PHACTR1: variants seen among roughly 807,000 people sequenced by gnomAD.
The protein encoded by PHACTR1 is phosphatase and actin regulator 1, also known as RPEL repeat containing 1.
A neutral mutation model predicts 69.2 loss-of-function variants in PHACTR1; 16 were observed. That is an observed-to-expected ratio of 0.23 (90% CI 0.16 to 0.35). PHACTR1 has a LOEUF of 0.35. Among genes scored for constraint, PHACTR1 ranks in the 10% least tolerant of loss-of-function variants. The pLI is 1.00. For synonymous variants in PHACTR1, 312 were observed against 284.5 expected, an observed-to-expected ratio of 1.10 and a Z score of -0.97; for missense variants, 510 against 734.7, an observed-to-expected ratio of 0.69 and a Z score of 3.54.
chr6:13,120,787 T>C (rs2127943222), intron 5 of PHACTR1, among the ~76,000 whole-genome samples: 1 of 152,346 alleles, frequency 6.6e-6, no homozygotes, highest in South Asian at 2.1e-4. Context: ...AAGGACTCCA[T>C]GCAGTCCTCA....
intron 13 of PHACTR1, among the ~76,000 whole-genome samples, chr6:13,285,308 G>A (rs1459728704): frequency 6.6e-6 from 1 of 152,122 alleles, no homozygotes; most frequent in African/African-American, 2.4e-5. Flanking sequence ...TTCTTTTCCT[G>A]GGGAGGGCCA....
intron 5 of PHACTR1, among the ~76,000 whole-genome samples, chr6:13,128,604 AT>A (rs1366443618): frequency 6.6e-6 from 1 of 151,932 alleles, no homozygotes; most frequent in Non-Finnish European, 1.5e-5. Flanking sequence ...GACAAAGACA[AT>A]GAAAAAAAAT....
chr6:12,850,687 A>G (rs1198938309), intron 4 of PHACTR1, among the ~76,000 whole-genome samples: 1 of 152,174 alleles, frequency 6.6e-6, no homozygotes, highest in Non-Finnish European at 1.5e-5. Context: ...GCTCTAGGGG[A>G]GGAGCCTCCC....
intron 4 of PHACTR1, among the ~76,000 whole-genome samples, chr6:12,856,164 C>T (rs961486793): frequency 4.6e-5 from 7 of 152,072 alleles, no homozygotes; most frequent in Non-Finnish European, 1.0e-4. Flanking sequence ...ATTGTTTGGT[C>T]CATTCAACTC....
chr6:12,818,081 C>A (rs980269611), intron 4 of PHACTR1, among the ~76,000 whole-genome samples: 4 of 152,160 alleles, frequency 2.6e-5, no homozygotes, highest in Non-Finnish European at 2.9e-5. Flanking sequence ...CCTTGGCCTC[C>A]CAAAGTGCTG....
chr6:12,718,281 C>T (rs907050289), intron 2 of PHACTR1: 13 of 152,202 alleles, frequency 8.5e-5, no homozygotes, highest in African/African-American at 3.1e-4. Context: ...GGCAATTTTC[C>T]CTGCTCCAGG....
intron 2 of PHACTR1, 142 bp downstream of exon 2, chr6:12,717,885 G>A (rs1157364819): frequency 6.6e-6 from 1 of 152,078 alleles, no homozygotes; most frequent in Non-Finnish European, 1.5e-5. Flanking sequence ...TAATGACTTT[G>A]TCTTGTTAAT....
chr6:13,058,652 A>AG (rs1210386010), intron 5 of PHACTR1, among the ~76,000 whole-genome samples: 1 of 152,134 alleles, frequency 6.6e-6, no homozygotes, highest in Non-Finnish European at 1.5e-5. Flanking sequence ...GGAGAAGGAG[A>AG]GGGGGGACTT....
At chr6:13,216,739 A>C (rs1343511692) in intron 8 of PHACTR1, among the ~76,000 whole-genome samples, 1 of 152,154 alleles carries the variant, frequency 6.6e-6, no homozygotes, top group Non-Finnish European at 1.5e-5. Flanking sequence ...TGTTTTTCAG[A>C]TTTAACTGCT....
At chr6:12,902,012 T>C (rs995352036) in intron 4 of PHACTR1, among the ~76,000 whole-genome samples, 4 of 152,144 alleles carry the variant, frequency 2.6e-5, no homozygotes, top group African/African-American at 9.7e-5. Flanking sequence ...GGCTGGAGAA[T>C]GCTACTGGCA....
intron 13 of PHACTR1, among the ~76,000 whole-genome samples, chr6:13,284,578 G>GTA (rs10611107): frequency 0.053 from 5,182 of 97,674 alleles, 199 homozygotes; most frequent in African/African-American, 0.11. Flanking sequence ...ATAGATACAC[G>GTA]TATATATATA....
intron 5 of PHACTR1, among the ~76,000 whole-genome samples, chr6:13,105,047 G>A (rs150963189): frequency 1.3e-4 from 20 of 152,296 alleles, no homozygotes; most frequent in Middle Eastern, 3.4e-3. Context: ...TGGTCTGATA[G>A]GTAAATGTGG....
chr6:12,845,438 C>G (rs1016317984), intron 4 of PHACTR1, among the ~76,000 whole-genome samples: 1 of 69,580 alleles, frequency 1.4e-5, no homozygotes, highest in African/African-American at 4.8e-5. Flanking sequence ...CACCCCCCCC[C>G]CCCCCGCCCT....
chr6:12,919,614 G>T (rs1787415786), intron 4 of PHACTR1, among the ~76,000 whole-genome samples: 1 of 152,188 alleles, frequency 6.6e-6, no homozygotes, highest in African/African-American at 2.4e-5. Flanking sequence ...CATGCAAAAG[G>T]TTCTGGAGAG....
chr6:13,003,954 T>TATATATATATATAC (rs1554190245), intron 4 of PHACTR1, among the ~76,000 whole-genome samples: 2 of 103,782 alleles, frequency 1.9e-5, no homozygotes, highest in African/African-American at 1.2e-4. Flanking sequence ...AGTATTCCTA[T>TATATATATATATAC]ATATATATAT....
rs570008261 is a variant in PHACTR1 at position 12,748,119 on chromosome 6, A to C, written c.104-1525A>C. ...TGAAAGGACGAGATTGGAGTGTAAA[A>C]ACAGAGACTGATGGCCAGGAGTTCC... On this transcript the variant is annotated intron_variant, in intron 3 of 14. Transcript: ENST00000332995. Among the ~76,000 whole-genome samples, 3 of 152,342 alleles carry C rather than the reference A, an allele frequency of 2.0e-5. No individual in the cohort carries two copies. The East Asian group carries it at 5.8e-4, about 29-fold the overall frequency.
At chr6:12,852,662 A>G (rs916150063) in intron 4 of PHACTR1, among the ~76,000 whole-genome samples, 3 of 152,318 alleles carry the variant, frequency 2.0e-5, no homozygotes, top group East Asian at 1.9e-4. Context: ...AAAGCCTTCC[A>G]ATATCCTGGA....
chr6:13,217,146 G>A (rs1767797193), intron 8 of PHACTR1, among the ~76,000 whole-genome samples: 1 of 152,172 alleles, frequency 6.6e-6, no homozygotes. Flanking sequence ...ATGATAAATT[G>A]TTGGTGTTGA....
chr6:12,955,860 G>A (rs9918386), intron 4 of PHACTR1, among the ~76,000 whole-genome samples: 15 of 152,070 alleles, frequency 9.9e-5, no homozygotes, highest in African/African-American at 7.3e-5. Context: ...TCTAACTCCC[G>A]CCTATGACAC....
Sources: gnomAD v4.1 joint callset for allele counts (sites outside exome capture counted in the v4.1 genomes callset) on GRCh38, gnomAD v4.1.1 for gene constraint, MANE v1.5 for transcripts, NCBI Gene and HGNC (gene_info 2026-07-23, HGNC 2026-07-21) for gene names.